Variants in PPP1R9A observed in about 807,000 individuals in gnomAD.
The protein encoded by PPP1R9A is protein phosphatase 1 regulatory subunit 9A, also known as neurabin-1.
A neutral mutation model predicts 141.9 loss-of-function variants in PPP1R9A; 59 were observed. That is an observed-to-expected ratio of 0.42 (90% CI 0.34 to 0.52). The LOEUF is 0.52. Ranked by LOEUF, PPP1R9A falls within the 20% of genes least tolerant of loss-of-function variation. The pLI is 0.10. For missense variants in PPP1R9A, 1,444 were observed against 1,611.9 expected, an observed-to-expected ratio of 0.90 and a Z score of 1.78; for synonymous variants, 500 against 569.7, an observed-to-expected ratio of 0.88 and a Z score of 1.74.
At chr7:95,167,430 C>A (rs566137557) in intron 5 of PPP1R9A, among the ~76,000 whole-genome samples, 1 of 152,260 alleles carries the variant, frequency 6.6e-6, no homozygotes, top group African/African-American at 2.4e-5. Context: ...GACAAACTCA[C>A]AGCTAACATT....
chr7:95,197,117 A>G (rs1372275549), intron 5 of PPP1R9A, among the ~76,000 whole-genome samples: 1 of 152,130 alleles, frequency 6.6e-6, no homozygotes, highest in East Asian at 1.9e-4. Flanking sequence ...GTGCAGAAAA[A>G]TTGTGGTATA....
At chr7:95,069,424 G>T (rs1813450396) in intron 2 of PPP1R9A, among the ~76,000 whole-genome samples, 1 of 152,248 alleles carries the variant, frequency 6.6e-6, no homozygotes, top group Non-Finnish European at 1.5e-5. Flanking sequence ...AGGGAGGGCA[G>T]TTAAAATGGA....
chr7:95,026,492 C>G (rs531637056), intron 2 of PPP1R9A, among the ~76,000 whole-genome samples: 31 of 152,294 alleles, frequency 2.0e-4, no homozygotes, highest in African/African-American at 6.7e-4. Context: ...AGCCGGAGCT[C>G]TCCTGTGTGA....
At chr7:94,990,886 CTT>C (rs34498126) in intron 2 of PPP1R9A, among the ~76,000 whole-genome samples, 1 of 152,158 alleles carries the variant, frequency 6.6e-6, no homozygotes, top group South Asian at 2.1e-4. Context: ...GGATTTCCTT[CTT>C]TTTTATGGCT....
chr7:95,114,155 A>G (rs561728361), intron 3 of PPP1R9A, among the ~76,000 whole-genome samples: 2 of 152,336 alleles, frequency 1.3e-5, no homozygotes, highest in East Asian at 3.9e-4. Flanking sequence ...ATTGTAGCAT[A>G]TCTAGGCAAT....
chr7:95,072,885 T>C (rs1439475657), intron 2 of PPP1R9A, among the ~76,000 whole-genome samples: 1 of 116,982 alleles, frequency 8.5e-6, no homozygotes, highest in Non-Finnish European at 1.7e-5. Context: ...TATTATATAA[T>C]ATACCATATA....
At chr7:94,938,328 C>A (rs1044015342) in intron 2 of PPP1R9A, among the ~76,000 whole-genome samples, 1 of 152,070 alleles carries the variant, frequency 6.6e-6, no homozygotes, top group Non-Finnish European at 1.5e-5. Flanking sequence ...TGAAACCGGT[C>A]CCTTATGCCA....
chr7:95,244,194 G>T (rs551129866), intron 8 of PPP1R9A, among the ~76,000 whole-genome samples: 2 of 152,082 alleles, frequency 1.3e-5, no homozygotes, highest in African/African-American at 2.4e-5. Context: ...CAAACTTTGC[G>T]CAGTTGTTCT....
chr7:95,254,001 C>G (rs1315417871), intron 12 of PPP1R9A, among the ~76,000 whole-genome samples: 2 of 151,980 alleles, frequency 1.3e-5, no homozygotes, highest in Non-Finnish European at 2.9e-5. Flanking sequence ...TATATGACTA[C>G]AGAAGATCAA....
At chr7:95,243,424 G>T (rs1018852114) in intron 8 of PPP1R9A, among the ~76,000 whole-genome samples, 1 of 152,074 alleles carries the variant, frequency 6.6e-6, no homozygotes, top group Non-Finnish European at 1.5e-5. Context: ...GGAGGTGGAG[G>T]TCTGCTTTCT....
intron 2 of PPP1R9A, among the ~76,000 whole-genome samples, chr7:95,059,869 T>C (rs1278288392): frequency 6.6e-6 from 1 of 152,124 alleles, no homozygotes; most frequent in African/African-American, 2.4e-5. Context: ...TTCACCCCTT[T>C]TGCTTTCGTT....
chr7:95,032,445 A>G (rs2151824461), intron 2 of PPP1R9A, among the ~76,000 whole-genome samples: 1 of 152,284 alleles, frequency 6.6e-6, no homozygotes. Context: ...AACTAAGGGT[A>G]GGAATAGTAA....
chr7:95,073,394 G>A (rs1342529514), intron 2 of PPP1R9A, among the ~76,000 whole-genome samples: 2 of 152,060 alleles, frequency 1.3e-5, no homozygotes, highest in Admixed American at 1.3e-4. Flanking sequence ...CTTTGGATTT[G>A]ACTCTGGTAT....
chr7:95,001,601 C>T (rs1310317626), intron 2 of PPP1R9A, among the ~76,000 whole-genome samples: 2 of 152,190 alleles, frequency 1.3e-5, no homozygotes, highest in African/African-American at 4.8e-5. Flanking sequence ...ACTTTTGCAA[C>T]ATCAAGCCCA....
At chr7:94,971,399 A>C (rs2151228017) in intron 2 of PPP1R9A, among the ~76,000 whole-genome samples, 1 of 152,360 alleles carries the variant, frequency 6.6e-6, no homozygotes, top group South Asian at 2.1e-4. Flanking sequence ...AAGCAAGAAA[A>C]GACTGCAACG....
Position 95,087,901 on chromosome 7 carries a change from A to AAG in PPP1R9A, c.1396-23348_1396-23347dup, listed in dbSNP as rs200581736. Among the ~76,000 whole-genome samples the AAG allele has an allele frequency of 5.1e-3, 772 of 151,684 alleles. 18 individuals carry two copies. The highest frequency in any genetic ancestry group is 0.017 in the African/African-American group (717 of 41,084). On this transcript the variant is annotated intron_variant, in intron 2 of 19. Coordinates refer to ENST00000433360, the MANE Select transcript of PPP1R9A (RefSeq NM_001166160.2). ...CAGAGTGAGACTCCATCTCAAAAAA[A>AAG]AGAGAGAGAGAAAAAAAAAAAAAGG...
At position 95,135,817 on chromosome 7, in the gene PPP1R9A, T is replaced by C. The variant is rs114759150; in HGVS notation, c.1649+14985T>C. Among the ~76,000 whole-genome samples the C allele has an allele frequency of 8.0e-3, 1,214 of 151,530 alleles. 10 individuals carry two copies. The highest frequency in any genetic ancestry group is 0.028 in the African/African-American group (1,164 of 41,352). ...ACTTCATGAAAGTATGTGACAGTGA[T>C]TATCTTTCTGTTTGAGAGATTAAGC... On this transcript the variant is annotated intron_variant, in intron 4 of 19. Coordinates refer to ENST00000433360, the MANE Select transcript of PPP1R9A (RefSeq NM_001166160.2).
chr7:95,004,720 T>C (rs1208612874), intron 2 of PPP1R9A, among the ~76,000 whole-genome samples: 1 of 152,178 alleles, frequency 6.6e-6, no homozygotes, highest in Non-Finnish European at 1.5e-5. Context: ...GTAGATACCG[T>C]ATACTGTGGT....
chr7:95,100,079 G>A (rs1310697769), intron 2 of PPP1R9A, among the ~76,000 whole-genome samples: 1 of 151,956 alleles, frequency 6.6e-6, no homozygotes. Context: ...GTGTGTATGT[G>A]TGTGCATGTA....
Sources: gnomAD v4.1 joint callset for allele counts (sites outside exome capture counted in the v4.1 genomes callset) on GRCh38, gnomAD v4.1.1 for gene constraint, MANE v1.5 for transcripts, NCBI Gene and HGNC (gene_info 2026-07-23, HGNC 2026-07-21) for gene names.